TMEM108: variants seen among roughly 807,000 people sequenced by gnomAD.
The protein encoded by TMEM108 is cancer/testis antigen 124.
Under a neutral mutation model 35.1 loss-of-function variants are expected in TMEM108, and 12 were observed. The observed-to-expected ratio is 0.34, with a 90% confidence interval of 0.22 to 0.55. TMEM108 has a LOEUF of 0.55. TMEM108 is among the 20% of genes least tolerant of loss of function. The pLI, the probability that TMEM108 is intolerant of heterozygous loss-of-function variation, is 0.89. For synonymous variants in TMEM108, 287 were observed against 308.6 expected, an observed-to-expected ratio of 0.93 and a Z score of 0.73; for missense variants, 680 against 753.3, an observed-to-expected ratio of 0.90 and a Z score of 1.14.
chr3:133,277,729 G>GAA, intron 3 of TMEM108, among the ~76,000 whole-genome samples: 1 of 152,338 alleles, frequency 6.6e-6, no homozygotes, highest in South Asian at 2.1e-4. Flanking sequence ...CCTTTCTGCT[G>GAA]AGATTGGAGG....
intron 3 of TMEM108, among the ~76,000 whole-genome samples, chr3:133,282,439 TC>T (rs1163266007): frequency 6.6e-6 from 1 of 152,234 alleles, no homozygotes; most frequent in African/African-American, 2.4e-5. Context: ...TCATTTACAT[TC>T]TTCTCCCACC....
intron 2 of TMEM108, chr3:133,192,859 A>G (rs1353806993): frequency 6.6e-6 from 1 of 152,246 alleles, no homozygotes; most frequent in Non-Finnish European, 1.5e-5. Context: ...GAAACTTCAT[A>G]TACTAGTCAA....
At chr3:133,167,779 A>G (rs1373723773) in intron 2 of TMEM108, among the ~76,000 whole-genome samples, 1 of 151,936 alleles carries the variant, frequency 6.6e-6, no homozygotes, top group African/African-American at 2.4e-5. Flanking sequence ...CTCTCCCTCC[A>G]CACCTTCCCG....
At chr3:133,047,918 A>G (rs1281175223) in intron 2 of TMEM108, among the ~76,000 whole-genome samples, 1 of 152,204 alleles carries the variant, frequency 6.6e-6, no homozygotes, top group East Asian at 1.9e-4. Flanking sequence ...CTAGGACCCA[A>G]GGGTAATTCT....
At chr3:133,168,186 C>G (rs960285440) in intron 2 of TMEM108, among the ~76,000 whole-genome samples, 3 of 152,168 alleles carry the variant, frequency 2.0e-5, no homozygotes, top group African/African-American at 7.2e-5. Context: ...ATGGGGTTGC[C>G]TTGGCCACAA....
At chr3:133,278,388 G>C (rs1306963996) in intron 3 of TMEM108, among the ~76,000 whole-genome samples, 4 of 152,214 alleles carry the variant, frequency 2.6e-5, no homozygotes, top group African/African-American at 9.6e-5. Flanking sequence ...GATTAATCAA[G>C]TGAGATAAAG....
At position 133,196,184 on chromosome 3, in the gene TMEM108, G is replaced by A. The variant is rs143091718; in HGVS notation, c.-46-33082G>A. Among the ~76,000 whole-genome samples, 554 of 152,238 alleles carry A rather than the reference G, an allele frequency of 3.6e-3. 1 individual carries two copies. Among genetic ancestry groups the A allele is most frequent in the Non-Finnish European group, 6.4e-3 (437 of 68,016 alleles). On this transcript the variant is annotated intron_variant, in intron 2 of 5. Transcript: ENST00000321871. ...CACTGTGTTCTAATTGGAGCAGCAA[G>A]GAAATTCTTTTTGAAGGAGGTCACA...
chr3:133,132,882 A>G (rs978658804), intron 2 of TMEM108, among the ~76,000 whole-genome samples: 6 of 152,110 alleles, frequency 3.9e-5, no homozygotes, highest in Non-Finnish European at 7.4e-5. Context: ...GTGGATTCCA[A>G]TCCTCATGGA....
chr3:133,247,038 A>G (rs1434583424), intron 3 of TMEM108: 1 of 152,208 alleles, frequency 6.6e-6, no homozygotes, highest in East Asian at 1.9e-4. Flanking sequence ...CAGGGCTCAG[A>G]TGCCCAGATA....
At chr3:133,163,078 G>A (rs183148231) in intron 2 of TMEM108, among the ~76,000 whole-genome samples, 22 of 152,258 alleles carry the variant, frequency 1.4e-4, no homozygotes, top group East Asian at 7.7e-4. Flanking sequence ...TCAGTTCTCC[G>A]TTGCTTTTAC....
chr3:133,042,204 A>G (rs1246575522), intron 1 of TMEM108, among the ~76,000 whole-genome samples: 1 of 152,030 alleles, frequency 6.6e-6, no homozygotes, highest in Non-Finnish European at 1.5e-5. Context: ...CCCGGCTTTG[A>G]CTCTGCCTGA....
chr3:133,274,999 T>C (rs1449726033), intron 3 of TMEM108, among the ~76,000 whole-genome samples: 1 of 152,200 alleles, frequency 6.6e-6, no homozygotes, highest in Non-Finnish European at 1.5e-5. Context: ...TTTTCCTATT[T>C]CCATCAGCAA....
At chr3:133,259,144 G>A (rs181268249) in intron 3 of TMEM108, among the ~76,000 whole-genome samples, 2 of 152,286 alleles carry the variant, frequency 1.3e-5, no homozygotes, top group African/African-American at 2.4e-5. Flanking sequence ...ACATAATTAA[G>A]TGTTGTCATC....
At chr3:133,062,814 G>A (rs1943551161) in intron 2 of TMEM108, among the ~76,000 whole-genome samples, 1 of 152,178 alleles carries the variant, frequency 6.6e-6, no homozygotes, top group African/African-American at 2.4e-5. Context: ...ATCATTCAAA[G>A]GTGTTATGTG....
intron 3 of TMEM108, among the ~76,000 whole-genome samples, chr3:133,300,468 G>A (rs1160923224): frequency 6.6e-6 from 1 of 152,140 alleles, no homozygotes; most frequent in African/African-American, 2.4e-5. Context: ...ATCAGATGTG[G>A]TAAGAGTTGC....
intron 2 of TMEM108, among the ~76,000 whole-genome samples, chr3:133,139,977 G>A (rs1944619192): frequency 6.6e-6 from 1 of 152,314 alleles, no homozygotes; most frequent in South Asian, 2.1e-4. Context: ...AAGGTGTGAG[G>A]GGGAAGAGGA....
intron 2 of TMEM108, among the ~76,000 whole-genome samples, chr3:133,131,600 C>T (rs984586952): frequency 1.3e-5 from 2 of 151,110 alleles, no homozygotes; most frequent in Non-Finnish European, 2.9e-5. Flanking sequence ...CACCAACCAA[C>T]GGTTCTACTT....
In TMEM108 at chr3:133,380,027, G is replaced by A. The variant is rs143911768; in HGVS notation, c.316G>A (p.Ala106Thr). ...CTCCACCATCGCTGCGACAGTAACC[G>A]CCCCCCATTCTGAAAGCTCCCTGTC... ...TISTIAATVT[A>T]PHSESSLSTG... is the part of the protein sequence containing the mutation. Residue 106 changes from alanine to threonine, a missense_variant, in exon 4 of 6, where the codon GCC (alanine) becomes ACC (threonine). This residue lies in a region of TMEM108 where 526 missense variants were observed against 532.1 expected (regional missense o/e 0.99). Coordinates refer to ENST00000321871, the MANE Select transcript of TMEM108 (RefSeq NM_023943.4). This position sits in a 1 kb window ranked among gnomAD's most constrained non-coding sequence, Gnocchi z 5.3. 7.5e-5 allele frequency: 121 copies of A among 1,613,174 alleles called. No homozygotes were observed. The African/African-American group carries it at 1.4e-3, about 19-fold the overall frequency.
intron 2 of TMEM108, among the ~76,000 whole-genome samples, chr3:133,168,771 T>A (rs956425657): frequency 1.3e-5 from 2 of 152,190 alleles, no homozygotes; most frequent in African/African-American, 4.8e-5. Flanking sequence ...GCAATAAATA[T>A]TGCTGCTGCT....
Sources: allele counts gnomAD v4.1 joint callset (sites outside exome capture counted in the v4.1 genomes callset), GRCh38; gene constraint gnomAD v4.1.1; regional missense constraint gnomAD v4.1.1; non-coding constraint Gnocchi (gnomAD v3.1); transcripts MANE v1.5; gene names NCBI Gene and HGNC (gene_info 2026-07-23, HGNC 2026-07-21).